The following NIN variants were observed in gnomAD, a reference collection of about 807,000 sequenced individuals.
NIN encodes the protein ninein, also known as glycogen synthase kinase 3 beta-interacting protein.
NIN carries 137 observed loss-of-function variants against 257.6 expected under a neutral mutation model. That is an observed-to-expected ratio of 0.53 (90% CI 0.46 to 0.61). The LOEUF (loss-of-function observed/expected upper bound fraction) is 0.61, where lower values mean the gene tolerates loss of function less well. Among genes scored for constraint, NIN ranks in the 20% least tolerant of loss-of-function variants. The probability of loss-of-function intolerance (pLI) is 0.00; values close to 1 mark genes in which losing one functional copy is unlikely to be tolerated. For synonymous variants in NIN, 918 were observed against 919.8 expected, an observed-to-expected ratio of 1.00 and a Z score of 0.04; for missense variants, 2,439 against 2,501.2, an observed-to-expected ratio of 0.98 and a Z score of 0.53.
intron 12 of NIN, among the ~76,000 whole-genome samples, chr14:50,767,209 T>C (rs2042523848): frequency 6.6e-6 from 1 of 152,242 alleles, no homozygotes; most frequent in Non-Finnish European, 1.5e-5. Context: ...CACCAGACTT[T>C]GAATAGCCCC....
At chr14:50,793,478 G>A (rs1266573573) in intron 4 of NIN, among the ~76,000 whole-genome samples, 1 of 152,082 alleles carries the variant, frequency 6.6e-6, no homozygotes, top group Non-Finnish European at 1.5e-5. Flanking sequence ...CCGGCATCAA[G>A]ATCTCATTGT....
intron 3 of NIN, among the ~76,000 whole-genome samples, chr14:50,810,395 A>G (rs370157653): frequency 3.9e-5 from 6 of 152,194 alleles, no homozygotes; most frequent in Non-Finnish European, 7.4e-5. Flanking sequence ...TACAAGGAGT[A>G]ATTATTAACA....
chr14:50,761,729 C>A, intron 16 of NIN, 61 bp downstream of exon 16: 1 of 1,592,178 alleles, frequency 6.3e-7, no homozygotes. Flanking sequence ...AAATGCCCTA[C>A]ACACATAAGC....
chr14:50,816,315 C>T (rs112439577), intron 3 of NIN, among the ~76,000 whole-genome samples: 2 of 152,084 alleles, frequency 1.3e-5, no homozygotes, highest in East Asian at 3.9e-4. Flanking sequence ...GGCACATTTA[C>T]CTTTGTAACA....
rs754652036 is a variant in NIN at position 50,748,119 on chromosome 14, G to A, written c.4951-14C>T. ...TAAAGTGGAGGACTAAGAGAAAAATGAAAAAGTCAAATAACAGACATACAT... is the reference window on the plus strand; with the variant it reads ...TAAAGTGGAGGACTAAGAGAAAAATAAAAAAGTCAAATAACAGACATACAT... On this transcript the variant is annotated splice_polypyrimidine_tract_variant and intron_variant, in intron 21 of 30. Transcript: ENST00000530997. 6.4e-7 allele frequency: 1 copy of A among 1,560,320 alleles called. No individual in the cohort carries two copies. Among genetic ancestry groups the A allele is most frequent in the Non-Finnish European group, 8.8e-7 (1 of 1,132,388 alleles).
Position 50,797,445 on chromosome 14 carries a change from T to A in NIN, c.266-4564A>T, listed in dbSNP as rs926247163. Reference sequence around the variant, plus strand: ...GAACCTCAGCACAGGAGGCCCTTCATGTTACATTGCTGCTGAGCTCACAGG... The same window carrying A: ...GAACCTCAGCACAGGAGGCCCTTCAAGTTACATTGCTGCTGAGCTCACAGG... On this transcript the variant is annotated intron_variant, in intron 4 of 30. Coordinates refer to ENST00000530997, the MANE Select transcript of NIN (RefSeq NM_020921.4). Among the ~76,000 whole-genome samples, 4 of 152,266 alleles carry A rather than the reference T, an allele frequency of 2.6e-5. No homozygotes were observed. The South Asian group carries it at 8.3e-4, about 32-fold the overall frequency.
chr14:50,829,137 C>A lies in NIN; in HGVS notation c.-22+1327G>T, dbSNP rs141813149. Among the ~76,000 whole-genome samples the A allele has an allele frequency of 3.3e-3, 499 of 152,272 alleles. 5 individuals carry two copies. Among genetic ancestry groups the A allele is most frequent in the African/African-American group, 0.011 (472 of 41,558 alleles). On this transcript the variant is annotated intron_variant, in intron 2 of 30. Coordinates refer to ENST00000530997, the MANE Select transcript of NIN (RefSeq NM_020921.4). ...AGAACAGGGAAAATAAACAAATCTG[C>A]AAACAAATTCCCGGGCAGTTCACAT...
At chr14:50,765,916 G>A (rs1353561669) in intron 14 of NIN, among the ~76,000 whole-genome samples, 1 of 149,298 alleles carries the variant, frequency 6.7e-6, no homozygotes, top group Non-Finnish European at 1.5e-5. Flanking sequence ...AGTTACATAT[G>A]TATACATGCG....
In NIN at chr14:50,752,541, C is replaced by A; in HGVS notation, c.4927G>T (p.Glu1643Ter). ...REQEKFNLKE[E>*]LERCKVQSST... ...ACCTGCACTTTACAACGTTCCAGTT[C>A]TTCTTTCAGATTAAACTTCTCTTGT... The change falls in exon 21 of 31, where the codon GAA (glutamate) becomes TAA (stop). Residue 1643 changes from glutamate to a stop codon, truncating the protein, a stop_gained. Coordinates refer to ENST00000530997, the MANE Select transcript of NIN (RefSeq NM_020921.4). LOFTEE classifies it high-confidence loss of function. The A allele has an allele frequency of 6.2e-7, 1 of 1,613,974 alleles. No individual in the cohort carries two copies. The highest frequency in any genetic ancestry group is 2.2e-5 in the East Asian group (1 of 44,866).
intron 10 of NIN, 52 bp from the exon 11 acceptor site, chr14:50,771,044 T>C: frequency 6.3e-7 from 1 of 1,581,610 alleles, no homozygotes; most frequent in Non-Finnish European, 8.6e-7. Context: ...AAGCAACAAG[T>C]AGACCCAGAA....
chr14:50,766,700 T>C (rs2042502435), intron 13 of NIN, 80 bp downstream of exon 13: 6 of 939,604 alleles, frequency 6.4e-6, no homozygotes, highest in African/African-American at 1.6e-5. Context: ...AAAAATGTTC[T>C]GGTGGCATTG....
chr14:50,765,270 T>G (rs957036516), intron 14 of NIN, among the ~76,000 whole-genome samples: 5 of 152,002 alleles, frequency 3.3e-5, no homozygotes, highest in African/African-American at 1.2e-4. Flanking sequence ...GTGGATGAAC[T>G]GGGGGAATTT....
intron 7 of NIN, among the ~76,000 whole-genome samples, chr14:50,775,119 G>C (rs538749463): frequency 6.6e-6 from 1 of 152,316 alleles, no homozygotes; most frequent in Admixed American, 6.5e-5. Context: ...ACACAGGAGT[G>C]CATGTCCTCT....
rs367935214 is a variant in NIN at position 50,756,649 on chromosome 14, A to C, written c.4381T>G (p.Leu1461Val). The C allele has an allele frequency of 6.2e-5, 97 of 1,554,064 alleles. No individual in the cohort carries two copies. The highest frequency in any genetic ancestry group is 5.0e-4 in the South Asian group (42 of 84,546). ...TTCAACTTCCTAGTCAGCTCCTGTA[A>C]CTTTGTTTTCTCCAGTTCTAACTCT... ...IAELELEKTK[L>V]QELTRKLKER... Residue 1461 changes from leucine (L) to valine (V), a missense_variant, in exon 18 of 31, where the codon TTA becomes GTA. This residue lies in a region of NIN where 2,043 missense variants were observed against 2,050.2 expected (regional missense o/e 1.00). Coordinates refer to ENST00000530997, the MANE Select transcript of NIN (RefSeq NM_020921.4).
At chr14:50,763,732 T>C in intron 15 of NIN, 94 bp downstream of exon 15, 1 of 1,135,904 alleles carries the variant, frequency 8.8e-7, no homozygotes, top group Non-Finnish European at 1.2e-6. Flanking sequence ...TTTTTTCTTT[T>C]TTCAAGTTGC....
chr14:50,825,845 C>G (rs1376205702), intron 2 of NIN, among the ~76,000 whole-genome samples: 1 of 152,180 alleles, frequency 6.6e-6, no homozygotes, highest in Non-Finnish European at 1.5e-5. Context: ...AATTGAGAAG[C>G]AGAGTTCCTT....
At position 50,735,509 on chromosome 14, in the gene NIN, A is replaced by AACTT. The variant is rs748063863; in HGVS notation, c.5877+3_5877+6dup. On this transcript the variant is annotated splice_region_variant and intron_variant, in intron 28 of 30. Coordinates refer to ENST00000530997, the MANE Select transcript of NIN (RefSeq NM_020921.4). ...TCATAGCTAAGGCCATCTGCTGAGA[A>AACTT]ACTTACCTCCATGAGCTGCTCATCC... 1 of 1,612,568 alleles carries AACTT rather than the reference A, an allele frequency of 6.2e-7. No individual in the cohort carries two copies. Among genetic ancestry groups the AACTT allele is most frequent in the South Asian group, 1.1e-5 (1 of 90,862 alleles).
At chr14:50,762,059 A>G (rs1435796864) in intron 15 of NIN, 148 bp from the exon 16 acceptor site, 9 of 808,902 alleles carry the variant, frequency 1.1e-5, no homozygotes, top group Non-Finnish European at 1.8e-5. Flanking sequence ...ACAGAGGCCA[A>G]GAGAAGTCTT....
At chr14:50,829,766 G>C (rs557470753) in intron 2 of NIN, among the ~76,000 whole-genome samples, 1 of 152,272 alleles carries the variant, frequency 6.6e-6, no homozygotes, top group South Asian at 2.1e-4. Context: ...TCAGGGCTGG[G>C]GTTAGGGAAA....
Sources: gnomAD v4.1 joint callset for allele counts (sites outside exome capture counted in the v4.1 genomes callset) on GRCh38, gnomAD v4.1.1 for gene constraint, gnomAD v4.1.1 regional missense constraint, MANE v1.5 for transcripts, NCBI Gene and HGNC (gene_info 2026-07-23, HGNC 2026-07-21) for gene names.